The following SACS variants were observed in gnomAD, a reference collection of about 807,000 sequenced individuals.
SACS encodes the protein sacsin.
SACS carries 197 observed loss-of-function variants against 348.0 expected under a neutral mutation model. The ratio of observed to expected loss-of-function variants is 0.57; its 90% CI spans 0.50 to 0.64. The LOEUF (loss-of-function observed/expected upper bound fraction) is 0.64. SACS is among the 30% of genes least tolerant of loss of function. The probability of loss-of-function intolerance (pLI) is 0.00; values close to 1 mark genes in which losing one functional copy is unlikely to be tolerated. For missense variants in SACS, 4,999 were observed against 5,360.8 expected (o/e 0.93, Z 2.11); for synonymous variants, 1,985 against 1,910.6 (o/e 1.04, Z -1.02).
At chr13:23,368,548 G>A (rs1342164158) in intron 4 of SACS, 61 bp from the exon 5 acceptor site, 6 of 1,177,072 alleles carry the variant, frequency 5.1e-6, no homozygotes, top group South Asian at 1.3e-5. Flanking sequence ...TGTCACCAAT[G>A]TGTGACTTGA....
intron 2 of SACS, among the ~76,000 whole-genome samples, chr13:23,405,980 C>T (rs1873186120): frequency 6.6e-6 from 1 of 152,106 alleles, no homozygotes; most frequent in Non-Finnish European, 1.5e-5. Flanking sequence ...GACAGTGTGG[C>T]GATTCCTCAC....
intron 3 of SACS, 136 bp downstream of exon 3, chr13:23,374,983 G>A (rs1293226009): frequency 5.8e-6 from 5 of 857,332 alleles, no homozygotes; most frequent in Non-Finnish European, 1.6e-6. Flanking sequence ...CCACAACTCA[G>A]GACAAGCACA....
At chr13:23,362,717 C>T (rs1014828135) in intron 6 of SACS, among the ~76,000 whole-genome samples, 2 of 151,072 alleles carry the variant, frequency 1.3e-5, no homozygotes, top group African/African-American at 4.9e-5. Flanking sequence ...TCCTGAGTAG[C>T]TGGGATTACA....
Position 23,421,284 on chromosome 13 carries a change from G to A in SACS, c.-501-9544C>T, listed in dbSNP as rs151284489. Among the ~76,000 whole-genome samples, 987 of 152,108 alleles carry A rather than the reference G, an allele frequency of 6.5e-3. 11 individuals carry two copies. Among genetic ancestry groups the A allele is most frequent in the Non-Finnish European group, 0.011 (730 of 67,976 alleles). ...CCTGGGTCCTGGATGTCCAGCTGGG[G>A]CCAGATGTCCAGCTCTGGTCTAGGT... On this transcript the variant is annotated intron_variant, in intron 1 of 9. Coordinates refer to ENST00000382292, the MANE Select transcript of SACS (RefSeq NM_014363.6).
chr13:23,373,121 G>C (rs1286348711), intron 3 of SACS, among the ~76,000 whole-genome samples: 1 of 152,154 alleles, frequency 6.6e-6, no homozygotes, highest in Admixed American at 6.5e-5. Flanking sequence ...ACATCTAGGG[G>C]ACAAGATGAT....
intron 2 of SACS, among the ~76,000 whole-genome samples, chr13:23,389,399 T>C (rs200440868): frequency 1.3e-5 from 2 of 152,126 alleles, no homozygotes; most frequent in East Asian, 3.8e-4. Flanking sequence ...AAATTCAGAA[T>C]TGTAAAAAAA....
At chr13:23,396,407 C>A (rs9634388) in intron 2 of SACS, among the ~76,000 whole-genome samples, 1 of 151,164 alleles carries the variant, frequency 6.6e-6, no homozygotes, top group Non-Finnish European at 1.5e-5. Flanking sequence ...GTTTTTCAAG[C>A]TCATATGATT....
chr13:23,382,870 C>T (rs1872121295), intron 2 of SACS, among the ~76,000 whole-genome samples: 1 of 146,842 alleles, frequency 6.8e-6, no homozygotes, highest in Admixed American at 6.9e-5. Flanking sequence ...CAGCCTCAAA[C>T]TCCTGGGCTG....
Position 23,365,290 on chromosome 13 carries a change from T to A in SACS, c.346-13A>T. On this transcript the variant is annotated splice_polypyrimidine_tract_variant and intron_variant, in intron 5 of 9. Transcript: ENST00000382292. ...TCTGAATTAATTCCTAACCAAAAAA[T>A]ATACCAAAAAATAGTAATTAATAAC... 6.9e-7 allele frequency: 1 copy of A among 1,459,798 alleles called. No homozygotes were observed. Among genetic ancestry groups the A allele is most frequent in the Non-Finnish European group, 9.5e-7 (1 of 1,053,942 alleles). 90.4% of individuals were successfully genotyped at this position (1,459,798 alleles called of 1,614,324 possible). A position where few individuals can be genotyped will look rare whatever the true frequency, so the allele number is the denominator to read the frequency against.
rs543079230 is a variant in SACS, at chr13:23,368,737, C to T, written c.260-250G>A. ...TTTTTGAGACAGAGTCTCGCTCTGTCGCCCAAGCTGAAGTGCAGTCGTGTG... is the reference window on the plus strand; with the variant it reads ...TTTTTGAGACAGAGTCTCGCTCTGTTGCCCAAGCTGAAGTGCAGTCGTGTG... On this transcript the variant is annotated intron_variant, in intron 4 of 9. Transcript: ENST00000382292. Among the ~76,000 whole-genome samples the T allele has an allele frequency of 5.2e-4, 79 of 152,262 alleles. 1 individual carries two copies. In the South Asian group the frequency reaches 0.011, roughly 22 times the overall value.
intron 3 of SACS, among the ~76,000 whole-genome samples, chr13:23,372,137 G>A: frequency 6.6e-6 from 1 of 152,198 alleles, no homozygotes; most frequent in East Asian, 1.9e-4. Flanking sequence ...AAGTACCTGT[G>A]CAAAGAGTGA....
intron 2 of SACS, among the ~76,000 whole-genome samples, chr13:23,386,289 C>T (rs1349165961): frequency 6.6e-6 from 1 of 152,222 alleles, no homozygotes; most frequent in Non-Finnish European, 1.5e-5. Flanking sequence ...TAGTCACCTT[C>T]ATCAGTTATG....
At position 23,337,315 on chromosome 13, in the gene SACS, G is replaced by A. The variant is rs143477126; in HGVS notation, c.6561C>T (p.Ile2187=). The A allele has an allele frequency of 7.1e-5, 114 of 1,613,804 alleles. No individual in the cohort carries two copies. In the East Asian group the frequency reaches 1.5e-3, roughly 22 times the overall value. ...GTTTCTCATCGATAAGACTCAATAA[G>A]ATACTACTTCTTAGGCATGCAGCAA... ...DHVAACLRSS[I]LLSLIDEKLK... Residue 2187 remains isoleucine, a synonymous_variant, in exon 10 of 10, where the codon ATC becomes ATT. Transcript: ENST00000382292.
chr13:23,368,015 A>G (rs527669174), intron 5 of SACS, among the ~76,000 whole-genome samples: 4 of 152,334 alleles, frequency 2.6e-5, no homozygotes, highest in East Asian at 3.9e-4. Flanking sequence ...CAGGAGTCCA[A>G]TGGGCATGCA....
intron 2 of SACS, among the ~76,000 whole-genome samples, chr13:23,386,363 A>C (rs1419047797): frequency 6.6e-6 from 1 of 152,200 alleles, no homozygotes; most frequent in African/African-American, 2.4e-5. Flanking sequence ...TTCACCTTGC[A>C]CTTTTATGTT....
intron 8 of SACS, 24 bp downstream of exon 8, chr13:23,354,495 G>A (rs765493138): frequency 5.6e-6 from 9 of 1,604,054 alleles, no homozygotes; most frequent in African/African-American, 2.7e-5. Context: ...GAGTGAACAG[G>A]AATGTTAGAA....
intron 2 of SACS, among the ~76,000 whole-genome samples, chr13:23,379,107 CT>C (rs769769674): frequency 7.8e-4 from 119 of 152,256 alleles, no homozygotes; most frequent in Non-Finnish European, 1.4e-3. Flanking sequence ...ACCAGGCTCC[CT>C]GGTAGTGAAT....
Position 23,381,947 on chromosome 13 carries a change from T to C in SACS, c.21-6678A>G, listed in dbSNP as rs191236674. ...TCCACAAAATTACAGATTTTTGCAT[T>C]TGTGAAGACTAACACCCAATTTATT... is the stretch of plus-strand genomic sequence containing the variant. On this transcript the variant is annotated intron_variant, in intron 2 of 9. Transcript: ENST00000382292. Among the ~76,000 whole-genome samples the C allele has an allele frequency of 1.2e-4, 19 of 152,324 alleles. No homozygotes were observed. In the East Asian group the frequency reaches 2.3e-3, roughly 19 times the overall value.
At position 23,426,783 on chromosome 13, in the gene SACS, C is replaced by A. The variant is rs529898015; in HGVS notation, c.-502+6832G>T. ...CTGAGTTTCTGATTAGCCTTTCCAA[C>A]GGAGGCAAATCAGATATGCATCTAT... On this transcript the variant is annotated intron_variant, in intron 1 of 9. Coordinates refer to ENST00000382292, the MANE Select transcript of SACS (RefSeq NM_014363.6). Among the ~76,000 whole-genome samples, 10 of 152,242 alleles carry A rather than the reference C, an allele frequency of 6.6e-5. 1 individual carries two copies. In the South Asian group the frequency reaches 1.9e-3, roughly 28 times the overall value.
Sources: gnomAD v4.1 joint callset for allele counts (sites outside exome capture counted in the v4.1 genomes callset) on GRCh38, gnomAD v4.1.1 for gene constraint, MANE v1.5 for transcripts, NCBI Gene and HGNC (gene_info 2026-07-23, HGNC 2026-07-21) for gene names.